Variants in SLC44A5 observed in about 807,000 individuals in gnomAD.
The protein encoded by SLC44A5 is choline transporter-like protein 5.
Under a neutral mutation model 101.8 loss-of-function variants are expected in SLC44A5, and 57 were observed. The observed-to-expected ratio is 0.56, with a 90% confidence interval of 0.45 to 0.70. The LOEUF (loss-of-function observed/expected upper bound fraction) is 0.70, where lower values mean the gene tolerates loss of function less well. Ranked by LOEUF, SLC44A5 falls within the 30% of genes least tolerant of loss-of-function variation. The pLI is 0.00. For synonymous variants in SLC44A5, 281 were observed against 290.9 expected (o/e 0.97, Z 0.35); for missense variants, 737 against 853.1 (o/e 0.86, Z 1.70).
intron 1 of SLC44A5, among the ~76,000 whole-genome samples, chr1:75,601,280 AAAAC>A (rs1410673969): frequency 2.0e-5 from 3 of 152,082 alleles, no homozygotes; most frequent in South Asian, 2.1e-4. Flanking sequence ...CAAGAACAAA[AAAAC>A]AAACACCGCA....
intron 2 of SLC44A5, among the ~76,000 whole-genome samples, chr1:75,480,917 T>C (rs971123258): frequency 2.6e-5 from 4 of 152,160 alleles, no homozygotes; most frequent in African/African-American, 9.7e-5. Flanking sequence ...AAAGTTCATA[T>C]GGAACCAAAA....
the SLC44A5 span, among the ~76,000 whole-genome samples, chr1:75,649,962 C>T: frequency 1.3e-5 from 2 of 152,146 alleles, no homozygotes; most frequent in African/African-American, 4.8e-5. Flanking sequence ...ATATCTCTTA[C>T]TTGTTTAAGC....
At chr1:75,696,403 T>TGATAG in the SLC44A5 span, among the ~76,000 whole-genome samples, 1 of 152,174 alleles carries the variant, frequency 6.6e-6, no homozygotes, top group African/African-American at 2.4e-5. Flanking sequence ...ATGACTATCA[T>TGATAG]GATAGGAAAA....
chr1:75,639,133 C>G, the SLC44A5 span, among the ~76,000 whole-genome samples: 1 of 151,994 alleles, frequency 6.6e-6, no homozygotes, highest in Admixed American at 6.6e-5. Context: ...AGAGATCTAT[C>G]ATACAACATG....
chr1:75,422,220 C>G (rs745906801), intron 2 of SLC44A5, among the ~76,000 whole-genome samples: 2 of 152,148 alleles, frequency 1.3e-5, no homozygotes, highest in African/African-American at 2.4e-5. Context: ...AGCATTGAAG[C>G]CTCCAGGTTA....
chr1:75,504,593 C>A (rs919824334), intron 2 of SLC44A5, among the ~76,000 whole-genome samples: 2 of 151,874 alleles, frequency 1.3e-5, no homozygotes, highest in Non-Finnish European at 2.9e-5. Context: ...AGATATATAC[C>A]TTTTCTTTTC....
intron 2 of SLC44A5, among the ~76,000 whole-genome samples, chr1:75,509,396 T>A (rs1258283447): frequency 6.6e-6 from 1 of 152,190 alleles, no homozygotes; most frequent in East Asian, 1.9e-4. Context: ...ACTAGAAGAC[T>A]CAATATGTTT....
chr1:75,521,608 C>T (rs556773962), intron 2 of SLC44A5: 1 of 152,466 alleles, frequency 6.6e-6, no homozygotes, highest in East Asian at 1.9e-4. Flanking sequence ...CAGGCTGATG[C>T]TTGACAGGTA....
At chr1:75,562,780 C>T (rs1277454208) in intron 1 of SLC44A5, among the ~76,000 whole-genome samples, 1 of 152,076 alleles carries the variant, frequency 6.6e-6, no homozygotes, top group Non-Finnish European at 1.5e-5. Flanking sequence ...TATCCTCTCA[C>T]AGTCTCTCTT....
At chr1:75,616,014 A>G, upstream of SLC44A5, 1 of 462,398 alleles carries the variant, frequency 2.2e-6, no homozygotes, top group Non-Finnish European at 2.8e-6. Flanking sequence ...ATCTGCGAGC[A>G]GCAGCGGCGG....
At chr1:75,657,848 T>C in the SLC44A5 span, among the ~76,000 whole-genome samples, 1 of 152,132 alleles carries the variant, frequency 6.6e-6, no homozygotes, top group Non-Finnish European at 1.5e-5. Context: ...TGTCCCTCTA[T>C]TATACCACTC....
chr1:75,561,421 A>G (rs915006915), intron 1 of SLC44A5, among the ~76,000 whole-genome samples: 1 of 152,046 alleles, frequency 6.6e-6, no homozygotes, highest in African/African-American at 2.4e-5. Flanking sequence ...TTTTACTTTT[A>G]TTATTGTCTG....
intron 2 of SLC44A5, among the ~76,000 whole-genome samples, chr1:75,466,584 A>T (rs904612989): frequency 4.7e-5 from 7 of 148,914 alleles, no homozygotes; most frequent in Admixed American, 4.7e-4. Context: ...TGAACCTGGA[A>T]GGTGGAGGTG....
chr1:75,456,601 G>C (rs1251141769), intron 2 of SLC44A5, among the ~76,000 whole-genome samples: 1 of 152,156 alleles, frequency 6.6e-6, no homozygotes, highest in Non-Finnish European at 1.5e-5. Flanking sequence ...TTGTATTTCT[G>C]TTCTGTTTTC....
chr1:75,693,836 A>G, the SLC44A5 span, among the ~76,000 whole-genome samples: 1 of 152,118 alleles, frequency 6.6e-6, no homozygotes, highest in East Asian at 1.9e-4. Flanking sequence ...TTGTGCTGCT[A>G]GGTCTAGTAA....
At chr1:75,275,486 A>C (rs923464874) in intron 5 of SLC44A5, among the ~76,000 whole-genome samples, 5 of 152,136 alleles carry the variant, frequency 3.3e-5, no homozygotes, top group Non-Finnish European at 5.9e-5. Context: ...AAGGGATGAA[A>C]CTATAATGCC....
At chr1:75,496,353 G>T (rs546980578) in intron 2 of SLC44A5, among the ~76,000 whole-genome samples, 1 of 152,054 alleles carries the variant, frequency 6.6e-6, no homozygotes, top group African/African-American at 2.4e-5. Flanking sequence ...AGACAATGGG[G>T]AAAAGACAGT....
chr1:75,452,995 A>C (rs1039181806), intron 2 of SLC44A5, among the ~76,000 whole-genome samples: 2 of 152,116 alleles, frequency 1.3e-5, no homozygotes, highest in African/African-American at 4.8e-5. Flanking sequence ...CAGAAAACTA[A>C]CAAAGAAATT....
chr1:75,617,945 G>A, the SLC44A5 span, among the ~76,000 whole-genome samples: 1 of 152,036 alleles, frequency 6.6e-6, no homozygotes, highest in Non-Finnish European at 1.5e-5. Flanking sequence ...ATTTAATCAT[G>A]ACCACACCCA....
Sources: gnomAD v4.1 joint callset for allele counts (sites outside exome capture counted in the v4.1 genomes callset) on GRCh38, gnomAD v4.1.1 for gene constraint, MANE v1.5 for transcripts, NCBI Gene and HGNC (gene_info 2026-07-23, HGNC 2026-07-21) for gene names.